Variants in MAP3K15 observed in about 807,000 individuals in gnomAD.
The protein encoded by MAP3K15 is MAPK/ERK kinase kinase 15.
A neutral mutation model predicts 99.5 loss-of-function variants in MAP3K15; 124 were observed. That is an observed-to-expected ratio of 1.25 (90% CI 1.08 to 1.45). The LOEUF (loss-of-function observed/expected upper bound fraction) is 1.45, where lower values mean the gene tolerates loss of function less well. Among genes scored for constraint, MAP3K15 ranks in the 40% most tolerant of loss-of-function variants. MAP3K15 has a pLI of 0.00. For synonymous variants in MAP3K15, 494 were observed against 439.6 expected (o/e 1.12, Z -1.55); for missense variants, 1,242 against 1,079.7 (o/e 1.15, Z -2.11).
chrX:19,499,194 A>G (rs903866814), intron 1 of MAP3K15, among the ~76,000 whole-genome samples: 1 of 112,130 alleles, frequency 8.9e-6, no homozygotes, highest in African/African-American at 3.2e-5. Flanking sequence ...ATCATTAATC[A>G]TGAGGGAAAG....
At chrX:19,440,716 C>A in intron 6 of MAP3K15, among the ~76,000 whole-genome samples, 2 of 112,421 alleles carry the variant, frequency 1.8e-5, no homozygotes, top group South Asian at 7.4e-4. Context: ...TGAAGAGTGG[C>A]CTTGCCTGAA....
chrX:19,509,121 A>G (rs1052069464), intron 1 of MAP3K15, among the ~76,000 whole-genome samples: 5 of 108,931 alleles, frequency 4.6e-5, no homozygotes, highest in Non-Finnish European at 9.4e-5. Context: ...GACCCCATGA[A>G]ACACTACAAG....
intron 9 of MAP3K15, among the ~76,000 whole-genome samples, chrX:19,416,523 T>C (rs1455289951): frequency 9.0e-6 from 1 of 111,628 alleles, no homozygotes; most frequent in Non-Finnish European, 1.9e-5. Context: ...AGAGTGCCAC[T>C]AGTGATACTG....
At chrX:19,424,243 T>TACAC (rs202047788) in intron 9 of MAP3K15, among the ~76,000 whole-genome samples, 2 of 85,111 alleles carry the variant, frequency 2.3e-5, no homozygotes, top group Non-Finnish European at 4.0e-5. Context: ...CACATATATA[T>TACAC]ACATATATAT....
intron 3 of MAP3K15, among the ~76,000 whole-genome samples, chrX:19,477,350 G>A (rs1397549464): frequency 1.8e-5 from 2 of 111,245 alleles, no homozygotes; most frequent in African/African-American, 6.5e-5. Context: ...ACAACAAAAA[G>A]ACAAAAAGAC....
At chrX:19,409,520 T>C (rs1007044294) in intron 12 of MAP3K15, among the ~76,000 whole-genome samples, 1 of 110,854 alleles carries the variant, frequency 9.0e-6, no homozygotes, top group Non-Finnish European at 1.9e-5. Context: ...CTGAAAAAAA[T>C]CTCCCAGCTC....
rs55787622 is a variant in MAP3K15, at chrX:19,372,676, T to G, written c.3085A>C (p.Asn1029His). Residue 1029 changes from asparagine to histidine, a missense_variant, in exon 22 of 29, where the codon AAC (asparagine) becomes CAC (histidine). Transcript: ENST00000338883. ...LWEEQNQVAS[N>H]LQECVAQSSE... ...ACCTGGGCCACACACTCCTGCAGGT[T>G]GGAAGCCACCTGGTTCTGCTCCTCC... The G allele has an allele frequency of 1.3e-3, 1,527 of 1,208,589 alleles. 11 individuals are homozygous for G. In the East Asian group the frequency reaches 0.024, roughly 19 times the overall value.
At chrX:19,510,865 T>C (rs752113704) in intron 1 of MAP3K15, among the ~76,000 whole-genome samples, 2 of 112,450 alleles carry the variant, frequency 1.8e-5, no homozygotes, top group African/African-American at 6.5e-5. Flanking sequence ...AAAATCAATG[T>C]GCAAAAATCA....
chrX:19,430,551 T>C (rs746285291), intron 7 of MAP3K15, among the ~76,000 whole-genome samples: 12 of 112,098 alleles, frequency 1.1e-4, no homozygotes, highest in African/African-American at 3.9e-4. Context: ...TGATAGCTGA[T>C]ACACTCCCTA....
At chrX:19,455,321 A>T (rs1262528368) in intron 6 of MAP3K15, among the ~76,000 whole-genome samples, 1 of 105,091 alleles carries the variant, frequency 9.5e-6, no homozygotes, top group African/African-American at 3.5e-5. Flanking sequence ...CTAAATACCA[A>T]TTTTCTATGT....
Position 19,456,624 on chromosome X carries a change from C to T in MAP3K15, c.995+289G>A, listed in dbSNP as rs182957499. Among the ~76,000 whole-genome samples, 18 of 111,864 alleles carry T rather than the reference C, an allele frequency of 1.6e-4. No individual in the cohort carries two copies. In the South Asian group the frequency reaches 4.5e-3, roughly 28 times the overall value. On this transcript the variant is annotated intron_variant, in intron 6 of 28. Transcript: ENST00000338883. ...GCATTTCACTGACTGCAAATTTTAC[C>T]GATTTAAAAAAGAGATGTGACCTCG... is the stretch of plus-strand genomic sequence containing the variant.
At chrX:19,512,642 C>CATT (rs2064528046) in intron 1 of MAP3K15, among the ~76,000 whole-genome samples, 1 of 71,252 alleles carries the variant, frequency 1.4e-5, no homozygotes, top group Non-Finnish European at 2.5e-5. Context: ...CCACATCCTG[C>CATT]TTTTTTTTTT....
At chrX:19,431,387 T>G in intron 7 of MAP3K15, 51 bp downstream of exon 7, 1 of 1,133,673 alleles carries the variant, frequency 8.8e-7, no homozygotes, top group Non-Finnish European at 1.2e-6. Context: ...GCCTATGCGA[T>G]TCTGTTCCTT....
intron 20 of MAP3K15, 113 bp from the exon 21 acceptor site, chrX:19,373,808 G>A (rs1303066710): frequency 1.2e-6 from 1 of 836,257 alleles, no homozygotes; most frequent in Non-Finnish European, 1.7e-6. Context: ...CCAGGATCCT[G>A]TAGAAATGTG....
intron 3 of MAP3K15, among the ~76,000 whole-genome samples, chrX:19,480,597 C>A (rs2064281504): frequency 9.6e-6 from 1 of 103,745 alleles, no homozygotes; most frequent in Non-Finnish European, 2.0e-5. Context: ...GGTGGATCAC[C>A]TGAGGTCAGG....
chrX:19,446,700 T>C (rs138399946), intron 6 of MAP3K15, among the ~76,000 whole-genome samples: 2 of 110,601 alleles, frequency 1.8e-5, no homozygotes, highest in Non-Finnish European at 3.8e-5. Flanking sequence ...CTGTTCACTG[T>C]AGTCAGAGCC....
At chrX:19,410,236 A>C (rs1259418155) in intron 11 of MAP3K15, among the ~76,000 whole-genome samples, 3 of 112,796 alleles carry the variant, frequency 2.7e-5, no homozygotes, top group South Asian at 3.6e-4. Flanking sequence ...TAAGCATAGA[A>C]TAAACACACA....
In MAP3K15 at chrX:19,409,718, C is replaced by G. The variant is rs768423382; in HGVS notation, c.1748+206G>C. ...TCTGCTGAATATGAGCAAAGCTACT[C>G]TATTATAATAACCCAAGAAGTTCTC... On this transcript the variant is annotated intron_variant, in intron 12 of 28. Transcript: ENST00000338883. Among the ~76,000 whole-genome samples, 5 of 112,195 alleles carry G rather than the reference C, an allele frequency of 4.5e-5. No homozygotes were observed. The East Asian group carries it at 1.4e-3, about 31-fold the overall frequency.
rs34191166 is a variant in MAP3K15 at position 19,482,179 on chromosome X, C to CAAAAAAAAAAAAAAAAAAA, written c.525+4302_525+4303insTTTTTTTTTTTTTTTTTTT. ...TGGGCGACAGAGTGAGATTCCAGCTCAAAAAAAAAAAAAAAAAGCCTATAT... is the reference window on the plus strand; with the variant it reads ...TGGGCGACAGAGTGAGATTCCAGCTCAAAAAAAAAAAAAAAAAAAAAAAAAAAAAAAAAAAAGCCTATAT... On this transcript the variant is annotated intron_variant, in intron 3 of 28. Transcript: ENST00000338883. 6 of 31,465 alleles carry CAAAAAAAAAAAAAAAAAAA rather than the reference C, an allele frequency of 1.9e-4. 2 individuals are homozygous for CAAAAAAAAAAAAAAAAAAA. The highest frequency in any genetic ancestry group is 6.4e-4 in the African/African-American group (6 of 9,381). The allele number at this position is 31,465 out of a possible 1,213,427, so 2.6% of individuals were successfully genotyped here.
Sources: gnomAD v4.1 joint callset for allele counts (sites outside exome capture counted in the v4.1 genomes callset) on GRCh38, gnomAD v4.1.1 for gene constraint, MANE v1.5 for transcripts, NCBI Gene and HGNC (gene_info 2026-07-23, HGNC 2026-07-21) for gene names.